GPC5: variants seen among roughly 807,000 people sequenced by gnomAD.
GPC5 encodes glypican-5.
In GPC5, 47 loss-of-function variants were observed where a neutral mutation model predicts 53.9. The observed-to-expected ratio is 0.87, with a 90% CI of 0.69 to 1.11. The LOEUF is 1.11. GPC5 is among the 50% of genes most tolerant of loss of function. The pLI is 0.00. For synonymous variants in GPC5, 286 were observed against 263.3 expected, an observed-to-expected ratio of 1.09 and a Z score of -0.84; for missense variants, 748 against 713.1, an observed-to-expected ratio of 1.05 and a Z score of -0.56.
At chr13:91,524,265 C>G (rs949127394) in intron 2 of GPC5, among the ~76,000 whole-genome samples, 1 of 152,066 alleles carries the variant, frequency 6.6e-6, no homozygotes. Context: ...CTTGGTTTAA[C>G]AGCTTTTCTC....
At chr13:92,271,002 C>G (rs2042835877) in intron 7 of GPC5, among the ~76,000 whole-genome samples, 1 of 152,118 alleles carries the variant, frequency 6.6e-6, no homozygotes, top group Non-Finnish European at 1.5e-5. Flanking sequence ...TTTGGTTTGG[C>G]CTTCAAAAAG....
intron 6 of GPC5, among the ~76,000 whole-genome samples, chr13:91,913,921 T>A (rs552542386): frequency 6.6e-6 from 1 of 152,372 alleles, no homozygotes; most frequent in East Asian, 1.9e-4. Context: ...CTTTTTCAGA[T>A]GTTTGCGTCA....
At chr13:91,408,012 T>C (rs1215122124) in intron 1 of GPC5, among the ~76,000 whole-genome samples, 1 of 152,196 alleles carries the variant, frequency 6.6e-6, no homozygotes, top group Non-Finnish European at 1.5e-5. Flanking sequence ...TAAATCTAGC[T>C]AATTAAACTA....
At chr13:92,368,471 C>T (rs1245056933) in intron 7 of GPC5, among the ~76,000 whole-genome samples, 1 of 150,906 alleles carries the variant, frequency 6.6e-6, no homozygotes, top group East Asian at 2.0e-4. Flanking sequence ...AGGTGAAACC[C>T]TGTCTCTACT....
At chr13:92,071,160 T>C (rs7325521) in intron 6 of GPC5, among the ~76,000 whole-genome samples, 85,633 of 151,970 alleles carry the variant, frequency 0.56, 24,449 homozygotes, top group East Asian at 0.79. Flanking sequence ...TGCTTGAACC[T>C]GGGAGGCAGA....
intron 1 of GPC5, among the ~76,000 whole-genome samples, chr13:91,439,072 G>A (rs9523334): frequency 2.0e-5 from 3 of 152,178 alleles, no homozygotes; most frequent in African/African-American, 7.2e-5. Context: ...GTTCCTATTC[G>A]GGCATCTTGG....
At chr13:91,409,654 C>A (rs1460604778) in intron 1 of GPC5, among the ~76,000 whole-genome samples, 1 of 151,972 alleles carries the variant, frequency 6.6e-6, no homozygotes. Context: ...CTTTTCTTTT[C>A]TTTTCTTTTT....
intron 5 of GPC5, among the ~76,000 whole-genome samples, chr13:91,798,781 G>T (rs1339083228): frequency 6.6e-6 from 1 of 152,054 alleles, no homozygotes; most frequent in East Asian, 1.9e-4. Flanking sequence ...AGATCTTTTA[G>T]AAATTGCCAC....
intron 5 of GPC5, among the ~76,000 whole-genome samples, chr13:91,884,417 C>A (rs2039301212): frequency 6.6e-6 from 1 of 152,102 alleles, no homozygotes; most frequent in Non-Finnish European, 1.5e-5. Flanking sequence ...TATTATGCAG[C>A]CATAAAAAGT....
At chr13:92,292,515 T>C (rs2043005020) in intron 7 of GPC5, among the ~76,000 whole-genome samples, 1 of 152,198 alleles carries the variant, frequency 6.6e-6, no homozygotes, top group South Asian at 2.1e-4. Flanking sequence ...AGCCCACTTT[T>C]TGATGGGATT....
intron 6 of GPC5, among the ~76,000 whole-genome samples, chr13:92,036,718 C>T (rs2040895877): frequency 6.6e-6 from 1 of 152,198 alleles, no homozygotes; most frequent in South Asian, 2.1e-4. Context: ...CTTTATTTTT[C>T]CCTGTATCTG....
Position 91,565,945 on chromosome 13 carries a change from T to G in GPC5, c.325+117023T>G, listed in dbSNP as rs370469676. ...TGGTGTTCCTTATCTTGTAGACCCA[T>G]GATTTCAATTTGTGCTGCTGTCTTC... On this transcript the variant is annotated intron_variant, in intron 2 of 7. Coordinates refer to ENST00000377067, the MANE Select transcript of GPC5 (RefSeq NM_004466.6). Among the ~76,000 whole-genome samples the G allele has an allele frequency of 1.2e-4, 18 of 152,290 alleles. No individual in the cohort carries two copies. The East Asian group carries it at 2.9e-3, about 25-fold the overall frequency.
intron 2 of GPC5, among the ~76,000 whole-genome samples, chr13:91,673,102 GA>G (rs2139684599): frequency 6.6e-6 from 1 of 152,048 alleles, no homozygotes; most frequent in African/African-American, 2.4e-5. Context: ...TGAGGGGAGG[GA>G]ACTTAGAGGA....
At chr13:91,772,885 ACCACTGCCT>A (rs1437252937) in intron 5 of GPC5, among the ~76,000 whole-genome samples, 1 of 151,946 alleles carries the variant, frequency 6.6e-6, no homozygotes, top group African/African-American at 2.4e-5. Flanking sequence ...AAGTTTGGGG[ACCACTGCCT>A]TTGGCCATCA....
chr13:91,506,893 A>G (rs1242677333), intron 2 of GPC5, among the ~76,000 whole-genome samples: 1 of 152,162 alleles, frequency 6.6e-6, no homozygotes, highest in African/African-American at 2.4e-5. Context: ...TTTAAATACT[A>G]TTATAAAAAC....
In GPC5 at chr13:92,642,056, G is replaced by GA. The variant is rs781759040; in HGVS notation, c.1562-224217dup. Among the ~76,000 whole-genome samples the GA allele has an allele frequency of 1.4e-3, 218 of 150,990 alleles. 2 individuals are homozygous for GA. The Middle Eastern group carries it at 0.021, about 14-fold the overall frequency. ...CTCATTTTCACTGCTGGTGTTGACA[G>GA]AAAAAAAAATATTTCAAAAATAGAA... On this transcript the variant is annotated intron_variant, in intron 7 of 7. Coordinates refer to ENST00000377067, the MANE Select transcript of GPC5 (RefSeq NM_004466.6).
intron 7 of GPC5, among the ~76,000 whole-genome samples, chr13:92,364,512 C>A (rs2043592503): frequency 6.6e-6 from 1 of 151,638 alleles, no homozygotes; most frequent in Admixed American, 6.6e-5. Flanking sequence ...GGGTGGATCA[C>A]GAGGTCAGGA....
chr13:92,761,964 C>T (rs896077953), intron 7 of GPC5, among the ~76,000 whole-genome samples: 3 of 151,816 alleles, frequency 2.0e-5, no homozygotes, highest in African/African-American at 7.3e-5. Context: ...AGAAATAAAG[C>T]CTCAGACATG....
chr13:91,930,863 T>C (rs2039815382), intron 6 of GPC5, among the ~76,000 whole-genome samples: 1 of 152,102 alleles, frequency 6.6e-6, no homozygotes, highest in Admixed American at 6.6e-5. Flanking sequence ...ACATTCTTTA[T>C]TGAAAAGCGT....
Sources: gnomAD v4.1 joint callset for allele counts (sites outside exome capture counted in the v4.1 genomes callset) on GRCh38, gnomAD v4.1.1 for gene constraint, MANE v1.5 for transcripts, NCBI Gene and HGNC (gene_info 2026-07-23, HGNC 2026-07-21) for gene names.